The following PYROXD2 variants were observed in gnomAD, a reference collection of about 807,000 sequenced individuals.
PYROXD2 encodes pyridine nucleotide-disulphide oxidoreductase domain 2.
Under a neutral mutation model 71.1 loss-of-function variants are expected in PYROXD2, and 69 were observed. The ratio of observed to expected loss-of-function variants is 0.97; its 90% CI spans 0.80 to 1.19. The LOEUF (loss-of-function observed/expected upper bound fraction) is 1.19, where lower values mean the gene tolerates loss of function less well. Ranked by LOEUF, PYROXD2 falls within the 50% of genes most tolerant of loss-of-function variation. The pLI is 0.00. For synonymous variants in PYROXD2, 287 were observed against 302.7 expected, an observed-to-expected ratio of 0.95 and a Z score of 0.54; for missense variants, 745 against 748.9, an observed-to-expected ratio of 0.99 and a Z score of 0.06.
chr10:98,406,849 G>A (rs533916583), intron 4 of PYROXD2, among the ~76,000 whole-genome samples: 49 of 133,702 alleles, frequency 3.7e-4, no homozygotes, highest in Middle Eastern at 4.7e-3. Context: ...CTGAGATCGC[G>A]CCACCGTACT....
chr10:98,384,019 C>T (rs896030529), intron 15 of PYROXD2, 151 bp from the exon 16 acceptor site: 21 of 682,684 alleles, frequency 3.1e-5, no homozygotes, highest in South Asian at 8.5e-5. Flanking sequence ...CTAAGACAGC[C>T]GCTCAATAGA....
At chr10:98,407,506 A>G in intron 4 of PYROXD2, 76 bp downstream of exon 4, 1 of 1,574,432 alleles carries the variant, frequency 6.4e-7, no homozygotes, top group Non-Finnish European at 8.6e-7. Context: ...GGCACAGAAC[A>G]GGGACCCCCC....
At chr10:98,406,734 A>T (rs1198817231) in intron 4 of PYROXD2, among the ~76,000 whole-genome samples, 2 of 151,952 alleles carry the variant, frequency 1.3e-5, no homozygotes, top group Non-Finnish European at 2.9e-5. Flanking sequence ...TCTACTAAAA[A>T]CACAAAAAAT....
chr10:98,391,090 G>A lies in PYROXD2; in HGVS notation c.1063-8C>T. ...CTCCTCAGGAAGCCACTCCTGGAAG[G>A]AGAAGGCTCCATGAAAGGCCTCAGA... On this transcript the variant is annotated splice_polypyrimidine_tract_variant and splice_region_variant and intron_variant, in intron 10 of 15. Transcript: ENST00000370575. The A allele has an allele frequency of 1.2e-6, 2 of 1,600,438 alleles. No individual in the cohort carries two copies. Among genetic ancestry groups the A allele is most frequent in the South Asian group, 2.2e-5 (2 of 90,800 alleles).
chr10:98,387,368 G>A lies in PYROXD2; in HGVS notation c.1448-61C>T, dbSNP rs546119471. On this transcript the variant is annotated intron_variant, in intron 13 of 15. Transcript: ENST00000370575. ...AGGAAGAAGAGGAGGCACTATGGGT[G>A]TACAACTTGGCAAATTTACTAACAG... 207 of 1,184,750 alleles carry A rather than the reference G, an allele frequency of 1.7e-4. No homozygotes were observed. The African/African-American group carries it at 2.8e-3, about 16-fold the overall frequency. The allele number at this position is 1,184,750 out of a possible 1,614,324, so 73.4% of individuals were successfully genotyped here. A position where few individuals can be genotyped will look rare whatever the true frequency, so the allele number is the denominator to read the frequency against.
At position 98,383,593 on chromosome 10, in the gene PYROXD2, A is replaced by G; in HGVS notation, c.*205T>C. 1.6e-6 allele frequency: 1 copy of G among 618,258 alleles called. No homozygotes were observed. Among genetic ancestry groups the G allele is most frequent in the Non-Finnish European group, 2.9e-6 (1 of 344,560 alleles). The allele number at this position is 618,258 out of a possible 1,614,324, so 38.3% of individuals were successfully genotyped here. A position where few individuals can be genotyped will look rare whatever the true frequency, so the allele number is the denominator to read the frequency against. On this transcript the variant is annotated 3_prime_UTR_variant, in exon 16 of 16. Coordinates refer to ENST00000370575, the MANE Select transcript of PYROXD2 (RefSeq NM_032709.3). ...TCTGTATGAAATATTAGTTTTAATAAAACAGAACCAGTCCATGTATGGAGG... is the reference window on the plus strand; with the variant it reads ...TCTGTATGAAATATTAGTTTTAATAGAACAGAACCAGTCCATGTATGGAGG...
At chr10:98,390,368 C>T (rs1420823306) in intron 12 of PYROXD2, among the ~76,000 whole-genome samples, 1 of 152,200 alleles carries the variant, frequency 6.6e-6, no homozygotes, top group East Asian at 1.9e-4. Flanking sequence ...TGCTCTGCCC[C>T]TCTGCCCCTT....
intron 4 of PYROXD2, among the ~76,000 whole-genome samples, chr10:98,404,355 T>A: frequency 6.6e-6 from 1 of 152,202 alleles, no homozygotes; most frequent in South Asian, 2.1e-4. Flanking sequence ...CTGGAGACTG[T>A]GAGCATACTC....
intron 4 of PYROXD2, 24 bp from the exon 5 acceptor site, chr10:98,400,281 C>A: frequency 5.7e-6 from 9 of 1,591,128 alleles, no homozygotes; most frequent in Non-Finnish European, 7.7e-6. Flanking sequence ...ATAGCATGGG[C>A]CACATATTAA....
Position 98,383,738 on chromosome 10 carries a change from C to T in PYROXD2, c.*60G>A, listed in dbSNP as rs1284801958. On this transcript the variant is annotated 3_prime_UTR_variant, in exon 16 of 16. Coordinates refer to ENST00000370575, the MANE Select transcript of PYROXD2 (RefSeq NM_032709.3). Reference sequence around the variant, plus strand: ...AGCTGAACTTCCTGGGAAGCTGATCCAATGGAGCACTTGGAATTCAGGGGT... The same window carrying T: ...AGCTGAACTTCCTGGGAAGCTGATCTAATGGAGCACTTGGAATTCAGGGGT... The T allele has an allele frequency of 2.1e-6, 3 of 1,443,714 alleles. No homozygotes were observed. Among genetic ancestry groups the T allele is most frequent in the Non-Finnish European group, 2.9e-6 (3 of 1,024,592 alleles). The allele number at this position is 1,443,714 out of a possible 1,614,324, so 89.4% of individuals were successfully genotyped here. A position where few individuals can be genotyped will look rare whatever the true frequency, so the allele number is the denominator to read the frequency against.
chr10:98,384,273 G>A (rs2135904736), intron 15 of PYROXD2, among the ~76,000 whole-genome samples: 1 of 152,196 alleles, frequency 6.6e-6, no homozygotes, highest in East Asian at 1.9e-4. Context: ...AGCTCCGTTA[G>A]GCTTGGAATG....
Position 98,388,351 on chromosome 10 carries a change from T to C in PYROXD2, c.1447+3A>G, listed in dbSNP as rs540632460. The C allele has an allele frequency of 3.7e-6, 6 of 1,613,862 alleles. No homozygotes were observed. In the African/African-American group the frequency reaches 5.3e-5, roughly 14 times the overall value. ...TGGAGGCAGAACGTGCAGCTGTCTTTACCTCTGTCTGCATAAGCGTCTCTC... is the reference window on the plus strand; with the variant it reads ...TGGAGGCAGAACGTGCAGCTGTCTTCACCTCTGTCTGCATAAGCGTCTCTC... On this transcript the variant is annotated splice_donor_region_variant and intron_variant, in intron 13 of 15. Transcript: ENST00000370575.
chr10:98,391,477 T>A (rs1842942510), intron 10 of PYROXD2, among the ~76,000 whole-genome samples: 1 of 152,224 alleles, frequency 6.6e-6, no homozygotes, highest in African/African-American at 2.4e-5. Flanking sequence ...AAAGTAGTGC[T>A]TTGCCCCTAA....
At chr10:98,400,376 T>G (rs966688737) in intron 4 of PYROXD2, 119 bp from the exon 5 acceptor site, 7 of 911,146 alleles carry the variant, frequency 7.7e-6, no homozygotes, top group Non-Finnish European at 1.1e-5. Context: ...CCCAAGTGTA[T>G]GGTCCTGGTG....
intron 1 of PYROXD2, chr10:98,414,190 T>C (rs558099950): frequency 6.6e-6 from 1 of 152,184 alleles, no homozygotes; most frequent in South Asian, 2.1e-4. Context: ...CTAGTACATA[T>C]GAAAATGAAG....
In PYROXD2 at chr10:98,383,686, T is replaced by C. The variant is rs1409270157; in HGVS notation, c.*112A>G. The C allele has an allele frequency of 2.4e-6, 2 of 832,446 alleles. No homozygotes were observed. The highest frequency in any genetic ancestry group is 1.4e-5 in the South Asian group (1 of 70,008). The allele number at this position is 832,446 out of a possible 1,614,324, so 51.6% of individuals were successfully genotyped here. On this transcript the variant is annotated 3_prime_UTR_variant, in exon 16 of 16. Transcript: ENST00000370575. ...TTTTTCTAAAATAATTTCTTGAGCA[T>C]TGTGGTGGCCTTATGTACTAACCCG...
intron 4 of PYROXD2, among the ~76,000 whole-genome samples, chr10:98,400,745 G>A (rs1056051934): frequency 6.6e-6 from 1 of 152,218 alleles, no homozygotes; most frequent in Non-Finnish European, 1.5e-5. Flanking sequence ...TGTAAGTACA[G>A]TCTTGCATCA....
At chr10:98,392,236 C>A (rs1267199549) in intron 10 of PYROXD2, among the ~76,000 whole-genome samples, 196 bp downstream of exon 10, 1 of 152,182 alleles carries the variant, frequency 6.6e-6, no homozygotes, top group South Asian at 2.1e-4. Flanking sequence ...GGTCACTTCA[C>A]CTCTCTGGCC....
At chr10:98,395,098 T>C (rs1843114727) in intron 8 of PYROXD2, 98 bp downstream of exon 8, 1 of 1,026,450 alleles carries the variant, frequency 9.7e-7, no homozygotes, top group Admixed American at 1.7e-5. Context: ...TGAGCTCTGT[T>C]AAGTGGCAGC....
Sources: allele counts gnomAD v4.1 joint callset (sites outside exome capture counted in the v4.1 genomes callset), GRCh38; gene constraint gnomAD v4.1.1; transcripts MANE v1.5; gene names NCBI Gene and HGNC (gene_info 2026-07-23, HGNC 2026-07-21).